The following WWOX variants were observed in gnomAD, a reference collection of about 807,000 sequenced individuals.
WWOX encodes the protein WW domain containing oxidoreductase.
A neutral mutation model predicts 46.2 loss-of-function variants in WWOX; 69 were observed. The observed-to-expected ratio is 1.49, with a 90% CI of 1.23 to 1.82. The LOEUF (loss-of-function observed/expected upper bound fraction) is 1.82, where lower values mean the gene tolerates loss of function less well. WWOX is among the 40% of genes most tolerant of loss of function. The pLI, the probability that WWOX is intolerant of heterozygous loss-of-function variation, is 0.00. For synonymous variants in WWOX, 359 were observed against 202.6 expected (o/e 1.77, Z -6.56); for missense variants, 919 against 542.6 (o/e 1.69, Z -6.89).
At chr16:78,791,191 G>A (rs1241132306) in intron 8 of WWOX, among the ~76,000 whole-genome samples, 1 of 152,106 alleles carries the variant, frequency 6.6e-6, no homozygotes, top group Non-Finnish European at 1.5e-5. Flanking sequence ...GATGTGGGCT[G>A]TATCTGCGTA....
intron 8 of WWOX, among the ~76,000 whole-genome samples, chr16:78,674,075 C>T (rs577902177): frequency 1.3e-5 from 2 of 151,932 alleles, no homozygotes; most frequent in Non-Finnish European, 2.9e-5. Context: ...AGAGAAATTT[C>T]GCAAACTTCA....
At chr16:78,567,508 G>A (rs1238552901) in intron 8 of WWOX, among the ~76,000 whole-genome samples, 2 of 134,754 alleles carry the variant, frequency 1.5e-5, no homozygotes, top group African/African-American at 5.8e-5. Context: ...AGCAGAGATT[G>A]CAGCACTGCA....
intron 8 of WWOX, among the ~76,000 whole-genome samples, chr16:79,062,964 G>A (rs1451684410): frequency 6.6e-6 from 1 of 152,212 alleles, no homozygotes; most frequent in African/African-American, 2.4e-5. Flanking sequence ...AGCCAGAGAT[G>A]GCTGATGGGC....
intron 8 of WWOX, among the ~76,000 whole-genome samples, chr16:79,067,308 A>T (rs970474860): frequency 1.3e-5 from 2 of 152,212 alleles, no homozygotes; most frequent in Non-Finnish European, 2.9e-5. Context: ...AAGGTCCTGC[A>T]TGACTTGAGT....
At chr16:78,289,528 C>A (rs930520144) in intron 5 of WWOX, among the ~76,000 whole-genome samples, 3 of 152,102 alleles carry the variant, frequency 2.0e-5, no homozygotes, top group Non-Finnish European at 4.4e-5. Context: ...TTGGATCCAG[C>A]CAGGGAAGTA....
chr16:78,357,355 C>G (rs533431894), intron 5 of WWOX, among the ~76,000 whole-genome samples: 1 of 152,148 alleles, frequency 6.6e-6, no homozygotes, highest in Admixed American at 6.5e-5. Context: ...CTCCAGAATG[C>G]AAAGGAACCT....
At chr16:78,838,259 G>A (rs765403997) in intron 8 of WWOX, among the ~76,000 whole-genome samples, 1 of 152,062 alleles carries the variant, frequency 6.6e-6, no homozygotes, top group Non-Finnish European at 1.5e-5. Flanking sequence ...GAAGCAAAGC[G>A]AGCGTCAAAA....
intron 8 of WWOX, among the ~76,000 whole-genome samples, chr16:78,496,920 C>G (rs544361475): frequency 1.3e-5 from 2 of 152,192 alleles, no homozygotes; most frequent in South Asian, 4.1e-4. Flanking sequence ...TTGATTCTCT[C>G]CTTTCCCGCC....
intron 8 of WWOX, among the ~76,000 whole-genome samples, chr16:78,708,955 G>C (rs972267381): frequency 3.3e-5 from 5 of 152,198 alleles, no homozygotes; most frequent in African/African-American, 9.6e-5. Flanking sequence ...TCAAAACTCA[G>C]TGTCACTTGC....
chr16:78,451,992 A>G (rs567523449), intron 8 of WWOX, among the ~76,000 whole-genome samples: 1 of 152,322 alleles, frequency 6.6e-6, no homozygotes, highest in East Asian at 1.9e-4. Context: ...TGGTTAGCAT[A>G]TCAACTTCCT....
intron 5 of WWOX, among the ~76,000 whole-genome samples, chr16:78,358,274 CACAT>C (rs1416988519): frequency 6.6e-6 from 1 of 152,108 alleles, no homozygotes; most frequent in Non-Finnish European, 1.5e-5. Context: ...GTTATACACT[CACAT>C]ACAAAACGTA....
chr16:78,638,684 G>C (rs548232032), intron 8 of WWOX, among the ~76,000 whole-genome samples: 7 of 152,284 alleles, frequency 4.6e-5, no homozygotes, highest in African/African-American at 1.2e-4. Flanking sequence ...AGGAGAGATA[G>C]AGCACTTCAG....
At chr16:78,726,503 A>G (rs537227708) in intron 8 of WWOX, among the ~76,000 whole-genome samples, 5 of 152,220 alleles carry the variant, frequency 3.3e-5, no homozygotes, top group African/African-American at 4.8e-5. Flanking sequence ...CAAAGTGTTA[A>G]GATTACAGGC....
intron 8 of WWOX, among the ~76,000 whole-genome samples, chr16:78,803,011 T>C (rs1016963009): frequency 2.1e-5 from 3 of 145,574 alleles, no homozygotes; most frequent in South Asian, 4.4e-4. Flanking sequence ...AGGCCTGCCA[T>C]GGAATTCATG....
intron 8 of WWOX, among the ~76,000 whole-genome samples, chr16:79,136,916 GATCA>G (rs1198813118): frequency 2.6e-5 from 4 of 152,204 alleles, no homozygotes; most frequent in Admixed American, 2.6e-4. Flanking sequence ...GGAGGCAGTA[GATCA>G]ATCAATTACA....
At chr16:79,172,793 A>C (rs1411642949) in intron 8 of WWOX, among the ~76,000 whole-genome samples, 2 of 152,146 alleles carry the variant, frequency 1.3e-5, no homozygotes, top group African/African-American at 2.4e-5. Flanking sequence ...TGGGAGGCCA[A>C]GATGAGAGGA....
At chr16:78,158,088 G>C (rs2034665315) in intron 4 of WWOX, among the ~76,000 whole-genome samples, 1 of 152,168 alleles carries the variant, frequency 6.6e-6, no homozygotes, top group African/African-American at 2.4e-5. Context: ...TGTCCAACTT[G>C]AGTTTTCCTC....
chr16:78,536,901 CTTTTTTTTT>C (rs35326105), intron 8 of WWOX, among the ~76,000 whole-genome samples: 2 of 120,058 alleles, frequency 1.7e-5, no homozygotes, highest in Non-Finnish European at 3.5e-5. Flanking sequence ...AGAGCCAAGT[CTTTTTTTTT>C]TTTTTTTTTT....
chr16:78,703,687 G>T (rs9921976), intron 8 of WWOX, among the ~76,000 whole-genome samples: 22,503 of 151,816 alleles, frequency 0.15, 4,944 homozygotes, highest in African/African-American at 0.48. Flanking sequence ...TAAAAAAGAT[G>T]GGTAACTCGG....
Sources: allele counts gnomAD v4.1 joint callset (sites outside exome capture counted in the v4.1 genomes callset), GRCh38; gene constraint gnomAD v4.1.1; transcripts MANE v1.5; gene names NCBI Gene and HGNC (gene_info 2026-07-23, HGNC 2026-07-21).